The following SMAP1 variants were observed in gnomAD, a reference collection of about 807,000 sequenced individuals.
SMAP1 encodes the protein stromal membrane-associated protein 1.
SMAP1 carries 24 observed loss-of-function variants against 58.5 expected under a neutral mutation model. That is an observed-to-expected ratio of 0.41 (90% CI 0.30 to 0.58). SMAP1 has a LOEUF of 0.58. SMAP1 is among the 20% of genes least tolerant of loss of function. The pLI, the probability that SMAP1 is intolerant of heterozygous loss-of-function variation, is 0.29. For missense variants in SMAP1, 563 were observed against 566.3 expected (o/e 0.99, Z 0.06); for synonymous variants, 216 against 196.6 (o/e 1.10, Z -0.82).
chr6:70,766,196 C>T (rs988812586), intron 3 of SMAP1, among the ~76,000 whole-genome samples: 3 of 152,246 alleles, frequency 2.0e-5, no homozygotes, highest in Admixed American at 1.3e-4. Flanking sequence ...AATAGTGCCA[C>T]AATAAACATA....
chr6:70,701,729 A>G (rs963290750), intron 1 of SMAP1, among the ~76,000 whole-genome samples: 14 of 152,150 alleles, frequency 9.2e-5, no homozygotes, highest in African/African-American at 3.1e-4. Context: ...GCTGCTGTCC[A>G]GGGGGTTGAG....
At chr6:70,733,007 A>G (rs1279418994) in intron 2 of SMAP1, among the ~76,000 whole-genome samples, 6 of 152,186 alleles carry the variant, frequency 3.9e-5, no homozygotes, top group Non-Finnish European at 7.3e-5. Flanking sequence ...ACTCTGCTAG[A>G]GGTAGATTTG....
At chr6:70,835,143 T>G (rs1210581028) in intron 6 of SMAP1, among the ~76,000 whole-genome samples, 1 of 150,504 alleles carries the variant, frequency 6.6e-6, no homozygotes, top group Non-Finnish European at 1.5e-5. Context: ...TCCCAGCTAC[T>G]TGGGAGGCTG....
intron 6 of SMAP1, among the ~76,000 whole-genome samples, chr6:70,814,268 C>G (rs1188828733): frequency 2.0e-5 from 3 of 152,146 alleles, no homozygotes. Context: ...GAGACTCTCT[C>G]TTTTGATAGC....
intron 1 of SMAP1, among the ~76,000 whole-genome samples, chr6:70,700,402 G>T (rs1194856438): frequency 6.6e-6 from 1 of 152,150 alleles, no homozygotes; most frequent in African/African-American, 2.4e-5. Flanking sequence ...AGGTTCAAGC[G>T]ATTCTTGTGC....
chr6:70,669,656 A>G (rs1307745514), intron 1 of SMAP1, among the ~76,000 whole-genome samples: 3 of 152,184 alleles, frequency 2.0e-5, no homozygotes, highest in African/African-American at 7.2e-5. Flanking sequence ...AAAACACTGA[A>G]AAATGGTCCT....
intron 3 of SMAP1, among the ~76,000 whole-genome samples, chr6:70,757,520 G>A (rs1351612177): frequency 6.6e-6 from 1 of 151,862 alleles, no homozygotes; most frequent in Non-Finnish European, 1.5e-5. Context: ...TTGACAAATG[G>A]GATCTAATTA....
intron 7 of SMAP1, among the ~76,000 whole-genome samples, chr6:70,844,443 A>G (rs1046920105): frequency 2.6e-5 from 4 of 152,184 alleles, no homozygotes; most frequent in African/African-American, 9.7e-5. Context: ...CCCCTGATCA[A>G]AAGTTGGCTG....
chr6:70,825,972 T>A (rs1169699031), intron 6 of SMAP1, among the ~76,000 whole-genome samples: 2 of 152,326 alleles, frequency 1.3e-5, no homozygotes, highest in East Asian at 3.9e-4. Context: ...AACTAGAGTA[T>A]GAGTTTAAGA....
intron 6 of SMAP1, 99 bp downstream of exon 6, chr6:70,798,836 C>G: frequency 2.1e-6 from 2 of 973,344 alleles, no homozygotes; most frequent in South Asian, 2.1e-5. Context: ...TGTAAATAAT[C>G]ATTATTTTCA....
chr6:70,860,453 A>G lies in SMAP1; in HGVS notation c.*119A>G. 8.3e-7 allele frequency: 1 copy of G among 1,211,858 alleles called. No individual in the cohort carries two copies. Among genetic ancestry groups the G allele is most frequent in the Non-Finnish European group, 1.1e-6 (1 of 884,178 alleles). The allele number at this position is 1,211,858 out of a possible 1,614,324, so 75.1% of individuals were successfully genotyped here. On this transcript the variant is annotated 3_prime_UTR_variant, in exon 11 of 11. Transcript: ENST00000370455. The stretch of plus-strand genomic sequence containing the variant: ...TCTTTTTACCCATTTGTTCATATTA[A>G]GAATGATCTGATTGACCGTGTTGGT...
chr6:70,674,464 T>A (rs1766395774), intron 1 of SMAP1, among the ~76,000 whole-genome samples: 1 of 152,198 alleles, frequency 6.6e-6, no homozygotes, highest in African/African-American at 2.4e-5. Flanking sequence ...CGGATTAGAA[T>A]TAAGCCATTT....
chr6:70,678,286 C>T (rs1285037136), intron 1 of SMAP1, among the ~76,000 whole-genome samples: 1 of 152,094 alleles, frequency 6.6e-6, no homozygotes, highest in African/African-American at 2.4e-5. Context: ...TTTTATAAAG[C>T]GTGCCTTTCA....
intron 6 of SMAP1, among the ~76,000 whole-genome samples, chr6:70,802,609 T>G (rs1768912238): frequency 6.6e-6 from 1 of 152,218 alleles, no homozygotes; most frequent in South Asian, 2.1e-4. Flanking sequence ...TGCTTCCAGT[T>G]TTTGCCCATT....
At chr6:70,731,549 C>T (rs12215757) in intron 1 of SMAP1, among the ~76,000 whole-genome samples, 66,044 of 152,098 alleles carry the variant, frequency 0.43, 14,717 homozygotes, top group South Asian at 0.5. Context: ...TGATCACATC[C>T]TCTTTCCTTA....
chr6:70,843,357 A>G (rs1562198512), intron 7 of SMAP1, among the ~76,000 whole-genome samples: 1 of 152,204 alleles, frequency 6.6e-6, no homozygotes, highest in Non-Finnish European at 1.5e-5. Flanking sequence ...TATTATTTTA[A>G]TAATCAGATA....
intron 7 of SMAP1, among the ~76,000 whole-genome samples, chr6:70,841,010 A>G (rs1037138936): frequency 6.6e-6 from 1 of 152,204 alleles, no homozygotes; most frequent in African/African-American, 2.4e-5. Flanking sequence ...GGTAGTGTCT[A>G]TTCTTTGTTG....
chr6:70,822,971 TTTC>T (rs2149983327), intron 6 of SMAP1, among the ~76,000 whole-genome samples: 1 of 152,308 alleles, frequency 6.6e-6, no homozygotes, highest in African/African-American at 2.4e-5. Flanking sequence ...GATCTCTTTA[TTTC>T]TTTTTTAATC....
At chr6:70,801,495 C>T (rs943597559) in intron 6 of SMAP1, among the ~76,000 whole-genome samples, 2 of 152,048 alleles carry the variant, frequency 1.3e-5, no homozygotes, top group Non-Finnish European at 2.9e-5. Context: ...GTTTCTTTTG[C>T]CATGCAGAAG....
Sources: gnomAD v4.1 joint callset for allele counts (sites outside exome capture counted in the v4.1 genomes callset) on GRCh38, gnomAD v4.1.1 for gene constraint, MANE v1.5 for transcripts, NCBI Gene and HGNC (gene_info 2026-07-23, HGNC 2026-07-21) for gene names.